The following KAT6A variants were observed in gnomAD, a reference collection of about 807,000 sequenced individuals.
The protein encoded by KAT6A is lysine acetyltransferase 6A, also known as histone acetyltransferase KAT6A.
Under a neutral mutation model 198.4 loss-of-function variants are expected in KAT6A, and 9 were observed. The ratio of observed to expected loss-of-function variants is 0.05; its 90% confidence interval spans 0.03 to 0.08. The LOEUF (loss-of-function observed/expected upper bound fraction) is 0.08. Ranked by LOEUF, KAT6A falls within the 10% of genes least tolerant of loss-of-function variation. The probability of loss-of-function intolerance (pLI) is 1.00; values close to 1 mark genes in which losing one functional copy is unlikely to be tolerated. For synonymous variants in KAT6A, 890 were observed against 883.0 expected (o/e 1.01, Z -0.14); for missense variants, 2,077 against 2,509.9 (o/e 0.83, Z 3.69).
At chr8:41,981,075 T>C (rs1284581189) in intron 4 of KAT6A, 148 bp from the exon 5 acceptor site, 1 of 619,484 alleles carries the variant, frequency 1.6e-6, no homozygotes, top group African/African-American at 1.8e-5. Context: ...ATCCCAACAC[T>C]CTGGGAGGTC....
intron 9 of KAT6A, among the ~76,000 whole-genome samples, chr8:41,952,228 T>G (rs1251578923): frequency 4.6e-5 from 7 of 152,200 alleles, no homozygotes; most frequent in African/African-American, 1.7e-4. Context: ...TCAAACTGGT[T>G]CTAGTGACAA....
chr8:41,944,349 G>A (rs569976645), intron 12 of KAT6A, among the ~76,000 whole-genome samples: 71 of 152,284 alleles, frequency 4.7e-4, no homozygotes, highest in African/African-American at 1.6e-3. Context: ...GAACTGAGAA[G>A]TACAAAAGAA....
At chr8:42,046,979 T>G (rs1802343944) in intron 2 of KAT6A, among the ~76,000 whole-genome samples, 2 of 152,196 alleles carry the variant, frequency 1.3e-5, no homozygotes, top group South Asian at 4.1e-4. Flanking sequence ...AAAAATACCG[T>G]TAATTTTCAA....
At position 42,016,640 on chromosome 8, in the gene KAT6A, A is replaced by G. The variant is rs1373307076; in HGVS notation, c.601-29077T>C. ...AGAGAACTGTAATGTGAGAACAACT[A>G]AATCTACTGTTTAAAAAAGGGGGAC... On this transcript the variant is annotated intron_variant, in intron 2 of 16. Coordinates refer to ENST00000265713, the MANE Select transcript of KAT6A (RefSeq NM_006766.5). Among the ~76,000 whole-genome samples, 4 of 152,288 alleles carry G rather than the reference A, an allele frequency of 2.6e-5. No individual in the cohort carries two copies. The East Asian group carries it at 5.8e-4, about 22-fold the overall frequency.
rs796671384 is a variant in KAT6A, at chr8:41,972,140, T to C, written c.1482+2564A>G. Among the ~76,000 whole-genome samples, 3 of 152,134 alleles carry C rather than the reference T, an allele frequency of 2.0e-5. No homozygotes were observed. The South Asian group carries it at 6.2e-4, about 32-fold the overall frequency. ...ATTTAAGCATCAAAATAAATACTAA[T>C]AGCAATGGATTATAACCATAAAATA... On this transcript the variant is annotated intron_variant, in intron 8 of 16. Coordinates refer to ENST00000265713, the MANE Select transcript of KAT6A (RefSeq NM_006766.5).
intron 8 of KAT6A, among the ~76,000 whole-genome samples, chr8:41,966,186 T>C (rs1823479832): frequency 6.6e-6 from 1 of 152,110 alleles, no homozygotes; most frequent in South Asian, 2.1e-4. Context: ...TTCTGCTTGC[T>C]ATCTCAGTGG....
intron 2 of KAT6A, among the ~76,000 whole-genome samples, chr8:42,033,095 G>A (rs142588601): frequency 1.4e-3 from 215 of 151,784 alleles, no homozygotes; most frequent in African/African-American, 5.0e-3. Flanking sequence ...GGGTGGTCTC[G>A]AACTCCTGAC....
chr8:41,940,231 G>C (rs150821953), intron 15 of KAT6A, among the ~76,000 whole-genome samples: 17 of 152,270 alleles, frequency 1.1e-4, no homozygotes, highest in African/African-American at 4.1e-4. Context: ...TATCATCATT[G>C]TACATTATTT....
At chr8:41,959,911 G>A (rs1000911997) in intron 8 of KAT6A, among the ~76,000 whole-genome samples, 15 of 150,874 alleles carry the variant, frequency 9.9e-5, no homozygotes, top group East Asian at 3.9e-4. Flanking sequence ...AGCCAAGATC[G>A]CGCAACTGCA....
At chr8:42,027,793 A>AT (rs200849540) in intron 2 of KAT6A, among the ~76,000 whole-genome samples, 2,038 of 151,126 alleles carry the variant, frequency 0.013, 43 homozygotes, top group African/African-American at 0.047. Context: ...TCCTGCCTTT[A>AT]TTATTTCTTT....
Position 41,932,756 on chromosome 8 carries a change from T to C in KAT6A, c.5464A>G (p.Asn1822Asp), listed in dbSNP as rs769858065. 2.5e-6 allele frequency: 4 copies of C among 1,614,230 alleles called. No individual in the cohort carries two copies. The highest frequency in any genetic ancestry group is 2.2e-5 in the East Asian group (1 of 44,882). Residue 1822 changes from asparagine to aspartate, a missense_variant, in exon 17 of 17, where the codon AAC becomes GAC. Asn to Asp is a conservative substitution (Grantham distance 23). This residue lies in a region of KAT6A where 500 missense variants were observed against 577.2 expected (regional missense o/e 0.87). Coordinates refer to ENST00000265713, the MANE Select transcript of KAT6A (RefSeq NM_006766.5). ...PPPNLASTTM[N>D]LTSPLLQCNM... ...CACTGAAGCAGAGGAGATGTGAGGT[T>C]CATGGTAGTGGATGCCAAGTTTGGG...
At position 41,987,534 on chromosome 8, in the gene KAT6A, A is replaced by G. The variant is rs1196855808; in HGVS notation, c.630T>C (p.Ser210=). ...KPVAEPIPIC[S]FCLGTKEQNR... ...TTTGTTCTTTTGTACCAAGACAGAA[A>G]CTACAGATGGGGATTGGTTCAGCAA... The change falls in exon 3 of 17, where the codon AGT becomes AGC. Residue 210 remains serine (S), a synonymous_variant. Coordinates refer to ENST00000265713, the MANE Select transcript of KAT6A (RefSeq NM_006766.5). The G allele has an allele frequency of 6.2e-7, 1 of 1,613,370 alleles. No individual in the cohort carries two copies. The highest frequency in any genetic ancestry group is 1.7e-5 in the Admixed American group (1 of 60,022).
rs928921581 is a variant in KAT6A, at chr8:41,932,582, A to T, written c.5638T>A (p.Ser1880Thr). 1 of 1,614,102 alleles carries T rather than the reference A, an allele frequency of 6.2e-7. No individual in the cohort carries two copies. Among genetic ancestry groups the T allele is most frequent in the South Asian group, 1.1e-5 (1 of 91,086 alleles). ...HQQQLYGRSPSAVAMQAGPRA... is the reference protein window; with the variant it reads ...HQQQLYGRSPTAVAMQAGPRA... ...GGGCCAGCCTGCATGGCAACTGCCG[A>T]TGGGCTACGGCCATACAGCTGCTGC... Residue 1880 changes from serine (S) to threonine (T), a missense_variant, in exon 17 of 17, where the codon TCG (serine) becomes ACG (threonine). By Grantham distance (58) the Ser-to-Thr change is moderately conservative. This residue lies in a region of KAT6A where 500 missense variants were observed against 577.2 expected (regional missense o/e 0.87). Coordinates refer to ENST00000265713, the MANE Select transcript of KAT6A (RefSeq NM_006766.5).
intron 8 of KAT6A, among the ~76,000 whole-genome samples, chr8:41,959,837 T>C (rs1823104798): frequency 6.6e-6 from 1 of 151,902 alleles, no homozygotes; most frequent in Non-Finnish European, 1.5e-5. Context: ...ATGCCTGTAG[T>C]CCCAGCTACT....
chr8:41,933,900 C>T lies in KAT6A; in HGVS notation c.4320G>A (p.Glu1440=). The change falls in exon 17 of 17, where the codon GAG becomes GAA. Residue 1440 remains glutamate (E), a synonymous_variant. Coordinates refer to ENST00000265713, the MANE Select transcript of KAT6A (RefSeq NM_006766.5). The surrounding 1 kb of genome is among the most constrained non-coding windows in gnomAD (Gnocchi z 6.2). The stretch of plus-strand genomic sequence containing the variant: ...TTTCCTCACAGTCCTGGTAGGCGCC[C>T]TCATGCTCACTGCTTTCTTCTTGAG... The part of the protein sequence containing the change: ...SLTQEESSEH[E]GAYQDCEETL... 1 of 1,614,182 alleles carries T rather than the reference C, an allele frequency of 6.2e-7. No individual in the cohort carries two copies. Among genetic ancestry groups the T allele is most frequent in the Non-Finnish European group, 8.5e-7 (1 of 1,180,030 alleles).
intron 2 of KAT6A, among the ~76,000 whole-genome samples, chr8:42,040,519 A>G (rs1461588165): frequency 6.6e-6 from 1 of 151,600 alleles, no homozygotes; most frequent in Non-Finnish European, 1.5e-5. Context: ...GGATCACCTG[A>G]GGTCAGGAGT....
chr8:41,975,878 T>C (rs1824026369), intron 7 of KAT6A, among the ~76,000 whole-genome samples: 1 of 152,232 alleles, frequency 6.6e-6, no homozygotes. Flanking sequence ...AAATGGTTAA[T>C]TCAAAAATGT....
At position 42,037,352 on chromosome 8, in the gene KAT6A, T is replaced by C. The variant is rs1440673490; in HGVS notation, c.600+11026A>G. Among the ~76,000 whole-genome samples, 6 of 152,092 alleles carry C rather than the reference T, an allele frequency of 3.9e-5. No homozygotes were observed. In the East Asian group the frequency reaches 9.6e-4, roughly 24 times the overall value. On this transcript the variant is annotated intron_variant, in intron 2 of 16. Coordinates refer to ENST00000265713, the MANE Select transcript of KAT6A (RefSeq NM_006766.5). ...GTTAGATATTTAAAGATGCCCTGAA[T>C]AGAAAAATTGGGAAACTATTAAAGT...
intron 10 of KAT6A, 62 bp downstream of exon 10, chr8:41,949,160 G>A (rs1198691371): frequency 1.8e-6 from 2 of 1,098,332 alleles, no homozygotes; most frequent in African/African-American, 3.4e-5. Context: ...CACAATAGAT[G>A]CAATATAGGT....
Sources: allele counts gnomAD v4.1 joint callset (sites outside exome capture counted in the v4.1 genomes callset), GRCh38; gene constraint gnomAD v4.1.1; regional missense constraint gnomAD v4.1.1; non-coding constraint Gnocchi (gnomAD v3.1); transcripts MANE v1.5; gene names NCBI Gene and HGNC (gene_info 2026-07-23, HGNC 2026-07-21).